Variants in TOP2A observed in about 807,000 individuals in gnomAD.
TOP2A encodes DNA topoisomerase 2-alpha.
TOP2A carries 68 observed loss-of-function variants against 187.2 expected under a neutral mutation model. The observed-to-expected ratio is 0.36, with a 90% CI of 0.30 to 0.44. TOP2A has a LOEUF of 0.44. Ranked by LOEUF, TOP2A falls within the 20% of genes least tolerant of loss-of-function variation. The pLI, the probability that TOP2A is intolerant of heterozygous loss-of-function variation, is 1.00. For synonymous variants in TOP2A, 542 were observed against 593.2 expected (o/e 0.91, Z 1.25); for missense variants, 1,196 against 1,808.7 (o/e 0.66, Z 6.14).
In TOP2A at chr17:40,417,823, G is replaced by T. The variant is rs764199346; in HGVS notation, c.-32C>A. 6.2e-7 allele frequency: 1 copy of T among 1,613,222 alleles called. No individual in the cohort carries two copies. ...GGTCGTGAAGGGGCTCAAGAACCCT[G>T]AAAGCGACTAAACAGGCAGGACCCC... On this transcript the variant is annotated 5_prime_UTR_variant, in exon 1 of 35. Transcript: ENST00000423485.
At chr17:40,412,675 T>C in intron 7 of TOP2A, 84 bp downstream of exon 7, 1 of 1,100,024 alleles carries the variant, frequency 9.1e-7, no homozygotes, top group South Asian at 1.4e-5. Context: ...AACAAAAACA[T>C]ATGGGAGGGG....
Position 40,399,869 on chromosome 17 carries a change from T to A in TOP2A, c.3196+3A>T, listed in dbSNP as rs779975960. The stretch of plus-strand genomic sequence containing the variant: ...GTAAGCAGTTATTATTCCCAAAACA[T>A]ACCAATGATTATTTTGCCATCTATT... On this transcript the variant is annotated splice_donor_region_variant and intron_variant, in intron 24 of 34. Transcript: ENST00000423485. 21 of 1,590,520 alleles carry A rather than the reference T, an allele frequency of 1.3e-5. No individual in the cohort carries two copies. The highest frequency in any genetic ancestry group is 1.9e-5 in the Admixed American group (1 of 53,456).
rs1251369486 is a variant in TOP2A at position 40,406,564 on chromosome 17, A to G, written c.1843+20T>C. The G allele has an allele frequency of 1.2e-6, 2 of 1,607,368 alleles. No individual in the cohort carries two copies. The highest frequency in any genetic ancestry group is 1.3e-5 in the African/African-American group (1 of 74,552). Reference sequence around the variant, plus strand: ...GGTGTATAATAAAATGAGAAGTTCTATATGGGTTTCATTACAAACCTTTGT... The same window carrying G: ...GGTGTATAATAAAATGAGAAGTTCTGTATGGGTTTCATTACAAACCTTTGT... On this transcript the variant is annotated intron_variant, in intron 15 of 34. Coordinates refer to ENST00000423485, the MANE Select transcript of TOP2A (RefSeq NM_001067.4).
In TOP2A at chr17:40,417,778, G is replaced by A. The variant is rs2035411566; in HGVS notation, c.14C>T (p.Pro5Leu). MEVS[P>L]LQPVNENMQV... ...CCCCCCCGCGAGCCGTACCTGCAATGGTGACACTTCCATGGTGACGGTCGT... is the reference window on the plus strand; with the variant it reads ...CCCCCCCGCGAGCCGTACCTGCAATAGTGACACTTCCATGGTGACGGTCGT... Residue 5 changes from proline (P) to leucine (L), a missense_variant, in exon 1 of 35, where the codon CCA (proline) becomes CTA (leucine). Around this residue, in one of 10 missense-constraint regions of TOP2A, gnomAD observed 97 missense variants for 171.0 expected, o/e 0.57. Transcript: ENST00000423485. The A allele has an allele frequency of 6.2e-7, 1 of 1,613,388 alleles. No homozygotes were observed. Among genetic ancestry groups the A allele is most frequent in the African/African-American group, 1.3e-5 (1 of 74,932 alleles).
At chr17:40,405,749 GTGAGCCACCACGCC>G (rs1389255964) in intron 16 of TOP2A, among the ~76,000 whole-genome samples, 1 of 151,210 alleles carries the variant, frequency 6.6e-6, no homozygotes, top group Non-Finnish European at 1.5e-5. Flanking sequence ...CATTACAGGC[GTGAGCCACCACGCC>G]TGGCCTTTTT....
intron 27 of TOP2A, 136 bp from the exon 28 acceptor site, chr17:40,396,601 T>C: frequency 9.4e-7 from 1 of 1,058,514 alleles, no homozygotes; most frequent in Non-Finnish European, 1.3e-6. Flanking sequence ...CCTAGTATAC[T>C]ATCAACAATA....
In TOP2A at chr17:40,391,537, C is replaced by T. The variant is rs1385889231; in HGVS notation, c.4236G>A (p.Lys1412=). The T allele has an allele frequency of 6.2e-7, 1 of 1,612,568 alleles. No homozygotes were observed. Among genetic ancestry groups the T allele is most frequent in the Non-Finnish European group, 8.5e-7 (1 of 1,179,456 alleles). Residue 1412 remains lysine, a synonymous_variant, in exon 33 of 35, where the codon AAG becomes AAA. Coordinates refer to ENST00000423485, the MANE Select transcript of TOP2A (RefSeq NM_001067.4). ...CTGCTGTCTTCTTCACTGTCACATT[C>T]TTTTTAGGAACTGGGTTTGTAATTT... is the stretch of plus-strand genomic sequence containing the variant. ...ETEITNPVPK[K]NVTVKKTAAK... is the part of the protein sequence containing the mutation.
chr17:40,399,076 C>G lies in TOP2A; in HGVS notation c.3252G>C (p.Ser1084=), dbSNP rs1426015923. 6.3e-7 allele frequency: 1 copy of G among 1,588,276 alleles called. No individual in the cohort carries two copies. Among genetic ancestry groups the G allele is most frequent in the Non-Finnish European group, 8.6e-7 (1 of 1,165,584 alleles). ...CTTCTTTCCAGGCCTTCACAGGATCCGAATCATATCCCCTCTGAATCAGAA... is the reference window on the plus strand; with the variant it reads ...CTTCTTTCCAGGCCTTCACAGGATCGGAATCATATCCCCTCTGAATCAGAA... ...IKVLIQRGYD[S]DPVKAWKEAQ... The change falls in exon 25 of 35, where the codon TCG becomes TCC. Residue 1084 remains serine, a synonymous_variant. Transcript: ENST00000423485.
chr17:40,405,077 C>T (rs1321846457), intron 16 of TOP2A, among the ~76,000 whole-genome samples, 194 bp from the exon 17 acceptor site: 4 of 151,494 alleles, frequency 2.6e-5, no homozygotes, highest in Admixed American at 1.3e-4. Context: ...GCAACCTCTG[C>T]GTCCTAGGTT....
rs1038639906 is a variant in TOP2A, at chr17:40,389,241, A to C, written c.*278T>G. Reference sequence around the variant, plus strand: ...GAAGTGATCAGATAGCTATTTCTACAGTTCAGAAGAACTTAAAAATCAGGT... The same window carrying C: ...GAAGTGATCAGATAGCTATTTCTACCGTTCAGAAGAACTTAAAAATCAGGT... On this transcript the variant is annotated 3_prime_UTR_variant, in exon 35 of 35. Coordinates refer to ENST00000423485, the MANE Select transcript of TOP2A (RefSeq NM_001067.4). 2 of 305,826 alleles carry C rather than the reference A, an allele frequency of 6.5e-6. No individual in the cohort carries two copies. The highest frequency in any genetic ancestry group is 1.2e-5 in the Non-Finnish European group (2 of 162,884). The allele number at this position is 305,826 out of a possible 1,614,324, so 18.9% of individuals were successfully genotyped here.
At chr17:40,409,934 A>G in intron 10 of TOP2A, 1 of 179,104 alleles carries the variant, frequency 5.6e-6, no homozygotes, top group Non-Finnish European at 1.2e-5. Context: ...ACAACAACAA[A>G]AAAATTAGCC....
chr17:40,413,013 T>A, intron 6 of TOP2A, 42 bp from the exon 7 acceptor site: 4 of 1,515,234 alleles, frequency 2.6e-6, no homozygotes. Context: ...ATTCAAGTCA[T>A]CTCACAAACT....
At chr17:40,392,977 C>T (rs576003045) in intron 29 of TOP2A, among the ~76,000 whole-genome samples, 1 of 152,022 alleles carries the variant, frequency 6.6e-6, no homozygotes, top group African/African-American at 2.4e-5. Context: ...GAGGCTGGGG[C>T]GGGAGGATTA....
chr17:40,400,247 C>G lies in TOP2A; in HGVS notation c.2962G>C (p.Val988Leu). 1.9e-6 allele frequency: 3 copies of G among 1,613,808 alleles called. No homozygotes were observed. The highest frequency in any genetic ancestry group is 2.5e-6 in the Non-Finnish European group (3 of 1,179,860). Residue 988 changes from valine to leucine, a missense_variant, in exon 23 of 35, where the codon GTC (valine) becomes CTC (leucine). Around this residue, in one of 10 missense-constraint regions of TOP2A, gnomAD observed 232 missense variants for 306.1 expected, o/e 0.76. Coordinates refer to ENST00000423485, the MANE Select transcript of TOP2A (RefSeq NM_001067.4). ...GTGAGACTAGTTTGGAGTTTGAAGACTTTGTGTAGTCCAACTCTCTCTGCC... is the reference window on the plus strand; with the variant it reads ...GTGAGACTAGTTTGGAGTTTGAAGAGTTTGTGTAGTCCAACTCTCTCTGCC... ...AEAERVGLHK[V>L]FKLQTSLTCN...
chr17:40,411,739 T>C lies in TOP2A; in HGVS notation c.869A>G (p.His290Arg), dbSNP rs529749370. 21 of 1,612,964 alleles carry C rather than the reference T, an allele frequency of 1.3e-5. No homozygotes were observed. The African/African-American group carries it at 1.5e-4, about 11-fold the overall frequency. ...DETGNSLKVI[H>R]EQVNHRWEVC... ...TTCCCACCTGTGGTTTACTTGTTCA[T>C]GTATTACTTTCAAGGAGTTACCAGT... The change falls in exon 8 of 35, where the codon CAT becomes CGT. Residue 290 changes from histidine to arginine, a missense_variant. His to Arg is a conservative substitution (Grantham distance 29). Transcript: ENST00000423485. The surrounding 1 kb of genome is among the most constrained non-coding windows in gnomAD (Gnocchi z 4.4).
rs757852865 is a variant in TOP2A, at chr17:40,399,103, TTTAA to T, written c.3221_3224del (p.Ile1074LysfsTer3). On this transcript the variant is annotated frameshift_variant, in exon 25 of 35. Transcript: ENST00000423485. LOFTEE classifies it high-confidence loss of function. ...AATCATATCCCCTCTGAATCAGAACTTTAATTAATTCTTTCTTAGGCTTATTTTC... is the reference window on the plus strand; with the variant it reads ...AATCATATCCCCTCTGAATCAGAACTTTAATTCTTTCTTAGGCTTATTTTC... The T allele has an allele frequency of 1.6e-5, 25 of 1,569,074 alleles. No individual in the cohort carries two copies. The highest frequency in any genetic ancestry group is 2.3e-5 in the South Asian group (2 of 85,684).
intron 33 of TOP2A, among the ~76,000 whole-genome samples, chr17:40,390,553 G>A (rs1239197476): frequency 6.6e-6 from 1 of 151,638 alleles, no homozygotes; most frequent in Non-Finnish European, 1.5e-5. Flanking sequence ...TGTGATGACT[G>A]TATATTTAAC....
At position 40,411,932 on chromosome 17, in the gene TOP2A, G is replaced by T; in HGVS notation, c.790-114C>A. ...AATGATGTTCACTGATAGGCATAAGGGAATGGTCATTAAAGGACACAGGCC... is the reference window on the plus strand; with the variant it reads ...AATGATGTTCACTGATAGGCATAAGTGAATGGTCATTAAAGGACACAGGCC... On this transcript the variant is annotated intron_variant, in intron 7 of 34. Transcript: ENST00000423485. The surrounding 1 kb of genome is among the most constrained non-coding windows in gnomAD (Gnocchi z 4.4). 1 of 881,412 alleles carries T rather than the reference G, an allele frequency of 1.1e-6. No individual in the cohort carries two copies. The highest frequency in any genetic ancestry group is 1.7e-6 in the Non-Finnish European group (1 of 601,588). The allele number at this position is 881,412 out of a possible 1,614,324, so 54.6% of individuals were successfully genotyped here.
rs961397041 is a variant in TOP2A at position 40,395,276 on chromosome 17, T to G, written c.3811+173A>C. 1.7e-4 allele frequency among the ~76,000 whole-genome samples: 21 copies of G among 122,368 alleles called. No homozygotes were observed. The East Asian group carries it at 4.4e-3, about 25-fold the overall frequency. 80.3% of individuals were successfully genotyped at this position (122,368 alleles called of 152,430 possible). ...CCAGCCTGGGCAACAAGAGTGAAAC[T>G]GTCTCAAAAAAAAAAAAAAAAAAAA... is the stretch of plus-strand genomic sequence containing the variant. On this transcript the variant is annotated intron_variant, in intron 29 of 34. Transcript: ENST00000423485.
Sources: gnomAD v4.1 joint callset for allele counts (sites outside exome capture counted in the v4.1 genomes callset) on GRCh38, gnomAD v4.1.1 for gene constraint, gnomAD v4.1.1 regional missense constraint, Gnocchi (gnomAD v3.1) non-coding constraint, MANE v1.5 for transcripts, NCBI Gene and HGNC (gene_info 2026-07-23, HGNC 2026-07-21) for gene names.